The following TLE1 variants were observed in gnomAD, a reference collection of about 807,000 sequenced individuals.
TLE1 encodes the protein transducin-like enhancer protein 1.
A neutral mutation model predicts 89.8 loss-of-function variants in TLE1; 21 were observed. The observed-to-expected ratio is 0.23, with a 90% CI of 0.17 to 0.34. The LOEUF (loss-of-function observed/expected upper bound fraction) is 0.34, where lower values mean the gene tolerates loss of function less well. TLE1 is among the 10% of genes least tolerant of loss of function. The pLI, the probability that TLE1 is intolerant of heterozygous loss-of-function variation, is 1.00. For missense variants in TLE1, 795 were observed against 1,031.2 expected (o/e 0.77, Z 3.14); for synonymous variants, 447 against 407.6 (o/e 1.10, Z -1.16).
At chr9:81,610,523 T>C (rs1025587375) in intron 13 of TLE1, among the ~76,000 whole-genome samples, 5 of 152,186 alleles carry the variant, frequency 3.3e-5, no homozygotes, top group Non-Finnish European at 7.3e-5. Context: ...ATGTGATCTA[T>C]TTGTGCACTG....
At position 81,687,449 on chromosome 9, in the gene TLE1, C is replaced by T. The variant is rs761601256; in HGVS notation, c.25-15G>A. On this transcript the variant is annotated splice_polypyrimidine_tract_variant and intron_variant, in intron 1 of 19. Transcript: ENST00000376499. ...TGGTGCGGCGTCTGGGGGCGACCAG[C>T]GAGGGGGACCGAGGGACGGGAATGC... The T allele has an allele frequency of 1.9e-6, 3 of 1,588,034 alleles. No individual in the cohort carries two copies. The highest frequency in any genetic ancestry group is 2.6e-6 in the Non-Finnish European group (3 of 1,162,896).
At chr9:81,598,730 G>A (rs1304274207) in intron 14 of TLE1, among the ~76,000 whole-genome samples, 1 of 151,300 alleles carries the variant, frequency 6.6e-6, no homozygotes, top group East Asian at 2.0e-4. Context: ...GTTTCCTAAG[G>A]GGGAAAGGCA....
chr9:81,673,724 C>G (rs780240088), intron 4 of TLE1, among the ~76,000 whole-genome samples: 1 of 152,096 alleles, frequency 6.6e-6, no homozygotes, highest in Non-Finnish European at 1.5e-5. Flanking sequence ...CGGCTTCTGG[C>G]GGACCAATTC....
chr9:81,617,842 G>A (rs911686398), intron 9 of TLE1, among the ~76,000 whole-genome samples: 1 of 152,164 alleles, frequency 6.6e-6, no homozygotes, highest in Non-Finnish European at 1.5e-5. Context: ...TGGACAACAT[G>A]GTGAAACCCC....
intron 4 of TLE1, among the ~76,000 whole-genome samples, chr9:81,679,074 G>C (rs1317081521): frequency 6.6e-6 from 1 of 152,166 alleles, no homozygotes; most frequent in Admixed American, 6.5e-5. Context: ...CCTGAACCCA[G>C]GAGGCGGAGG....
chr9:81,639,876 C>A (rs960384666), intron 6 of TLE1, among the ~76,000 whole-genome samples: 2 of 151,932 alleles, frequency 1.3e-5, no homozygotes, highest in South Asian at 4.1e-4. Flanking sequence ...CATGAACCAC[C>A]GCGCCCAGCT....
intron 4 of TLE1, among the ~76,000 whole-genome samples, chr9:81,660,934 AACACACAC>A (rs548190067): frequency 0.043 from 3,791 of 88,790 alleles, 87 homozygotes; most frequent in Non-Finnish European, 0.054. Flanking sequence ...ATCCCTACTA[AACACACAC>A]ACACACACAC....
intron 8 of TLE1, 171 bp from the exon 9 acceptor site, chr9:81,620,728 C>G (rs183928558): frequency 2.0e-6 from 2 of 985,308 alleles, no homozygotes; most frequent in Non-Finnish European, 2.4e-6. Context: ...CAGGTTTACA[C>G]ACTTAAAAGG....
intron 4 of TLE1, among the ~76,000 whole-genome samples, chr9:81,674,747 GA>G (rs1311385583): frequency 1.3e-5 from 2 of 152,144 alleles, no homozygotes; most frequent in African/African-American, 2.4e-5. Context: ...AGTTGAGAAA[GA>G]AATCACCTAA....
At chr9:81,680,175 G>A (rs1182004089) in intron 4 of TLE1, among the ~76,000 whole-genome samples, 1 of 152,186 alleles carries the variant, frequency 6.6e-6, no homozygotes, top group African/African-American at 2.4e-5. Context: ...ATTATACAGA[G>A]AGGGGAACTG....
chr9:81,616,814 C>A, intron 9 of TLE1, 115 bp from the exon 10 acceptor site: 1 of 1,043,292 alleles, frequency 9.6e-7, no homozygotes, highest in Non-Finnish European at 1.5e-6. Context: ...CTACCTGGGA[C>A]AGGCCTGCAG....
At chr9:81,597,669 C>A (rs7045031) in intron 14 of TLE1, among the ~76,000 whole-genome samples, 3 of 152,156 alleles carry the variant, frequency 2.0e-5, no homozygotes, top group African/African-American at 7.2e-5. Context: ...AGATCAGGAT[C>A]GCTTCTGCTT....
intron 4 of TLE1, among the ~76,000 whole-genome samples, chr9:81,678,715 T>G (rs1833214638): frequency 6.6e-6 from 1 of 152,126 alleles, no homozygotes; most frequent in Non-Finnish European, 1.5e-5. Context: ...CTTGGAAGGC[T>G]GAGGCAGGGG....
intron 12 of TLE1, among the ~76,000 whole-genome samples, chr9:81,613,026 C>G (rs1267117012): frequency 6.6e-6 from 1 of 152,214 alleles, no homozygotes; most frequent in Non-Finnish European, 1.5e-5. Context: ...CCATTGCATT[C>G]CAGCCTGGGG....
intron 4 of TLE1, among the ~76,000 whole-genome samples, chr9:81,679,609 T>G (rs1026042038): frequency 6.6e-6 from 1 of 152,126 alleles, no homozygotes; most frequent in Non-Finnish European, 1.5e-5. Context: ...GTGAGGAGTA[T>G]TTTGAAGGTA....
intron 14 of TLE1, among the ~76,000 whole-genome samples, chr9:81,603,409 A>T (rs1831211220): frequency 6.6e-6 from 1 of 152,142 alleles, no homozygotes; most frequent in Non-Finnish European, 1.5e-5. Context: ...ACACTTGAGA[A>T]ATGAGAGATC....
chr9:81,641,319 G>A (rs1391801769), intron 6 of TLE1, among the ~76,000 whole-genome samples: 4 of 152,144 alleles, frequency 2.6e-5, no homozygotes, highest in Admixed American at 6.5e-5. Flanking sequence ...AGGAGTTATC[G>A]CAAAACCTCC....
At position 81,689,041 on chromosome 9, in the gene TLE1, C is replaced by T. The variant is rs955733823; in HGVS notation, c.-801G>A. 1.3e-5 allele frequency: 2 copies of T among 152,216 alleles called. No homozygotes were observed. The highest frequency in any genetic ancestry group is 2.9e-5 in the Non-Finnish European group (2 of 68,080). The allele number at this position is 152,216 out of a possible 1,614,324, so 9.4% of individuals were successfully genotyped here. On this transcript the variant is annotated 5_prime_UTR_variant, in exon 1 of 20. Coordinates refer to ENST00000376499, the MANE Select transcript of TLE1 (RefSeq NM_005077.5). Reference sequence around the variant, plus strand: ...AGAGCAGTCCCGCAAGTGCCCAATGCTCCTCGAGCCCGGGGAGCATCAGGG... The same window carrying T: ...AGAGCAGTCCCGCAAGTGCCCAATGTTCCTCGAGCCCGGGGAGCATCAGGG...
In TLE1 at chr9:81,675,354, T is replaced by C. The variant is rs932246014; in HGVS notation, c.234+10322A>G. Among the ~76,000 whole-genome samples the C allele has an allele frequency of 2.4e-4, 37 of 152,174 alleles. 1 individual carries two copies. The highest frequency in any genetic ancestry group is 2.2e-3 in the Admixed American group (33 of 15,266). ...AGTAAATAATCAGTGGTTATACTCA[T>C]TATTACTAAGAAATCTGGTGACAAG... On this transcript the variant is annotated intron_variant, in intron 4 of 19. Transcript: ENST00000376499.
Sources: allele counts gnomAD v4.1 joint callset (sites outside exome capture counted in the v4.1 genomes callset), GRCh38; gene constraint gnomAD v4.1.1; transcripts MANE v1.5; gene names NCBI Gene and HGNC (gene_info 2026-07-23, HGNC 2026-07-21).